Variants in SGCZ observed in about 807,000 individuals in gnomAD.
The protein encoded by SGCZ is zeta-sarcoglycan.
Under a neutral mutation model 41.3 loss-of-function variants are expected in SGCZ, and 40 were observed. That is an observed-to-expected ratio of 0.97 (90% CI 0.75 to 1.26). SGCZ has a LOEUF of 1.26. SGCZ is among the 50% of genes most tolerant of loss of function. The pLI is 0.00. For missense variants in SGCZ, 552 were observed against 369.8 expected, an observed-to-expected ratio of 1.49 and a Z score of -4.04; for synonymous variants, 206 against 137.5, an observed-to-expected ratio of 1.50 and a Z score of -3.49.
At chr8:15,119,317 G>C (rs531461099) in intron 1 of SGCZ, among the ~76,000 whole-genome samples, 4 of 152,120 alleles carry the variant, frequency 2.6e-5, no homozygotes, top group Admixed American at 1.3e-4. Flanking sequence ...GATCACTTGA[G>C]CTCAGCAATT....
intron 1 of SGCZ, among the ~76,000 whole-genome samples, chr8:15,119,991 GT>G: frequency 6.6e-6 from 1 of 150,878 alleles, no homozygotes; most frequent in Non-Finnish European, 1.5e-5. Flanking sequence ...TGTTGCTTTT[GT>G]TTTTTATTGT....
chr8:14,915,183 A>G (rs574979829), intron 1 of SGCZ, among the ~76,000 whole-genome samples: 2 of 152,340 alleles, frequency 1.3e-5, no homozygotes, highest in Admixed American at 6.5e-5. Flanking sequence ...GCATTTAGAT[A>G]AATAACAATT....
At chr8:14,186,154 G>A (rs563077580) in intron 4 of SGCZ, among the ~76,000 whole-genome samples, 26 of 152,278 alleles carry the variant, frequency 1.7e-4, no homozygotes, top group African/African-American at 4.8e-4. Flanking sequence ...TTTCTGTAAT[G>A]ACAATGTGAA....
At chr8:15,198,675 C>T (rs1800806277) in intron 1 of SGCZ, among the ~76,000 whole-genome samples, 1 of 152,162 alleles carries the variant, frequency 6.6e-6, no homozygotes, top group South Asian at 2.1e-4. Flanking sequence ...ACAATAACAA[C>T]AGCTACATTA....
intron 2 of SGCZ, among the ~76,000 whole-genome samples, chr8:14,461,932 T>C (rs989655796): frequency 6.6e-6 from 1 of 152,118 alleles, no homozygotes; most frequent in Non-Finnish European, 1.5e-5. Context: ...GATGTTGTTA[T>C]ATAATGCTTC....
chr8:14,393,969 T>C (rs1450224892), intron 2 of SGCZ, among the ~76,000 whole-genome samples: 2 of 152,142 alleles, frequency 1.3e-5, no homozygotes, highest in African/African-American at 4.8e-5. Context: ...CTCAGCTTTG[T>C]GCTTTGATAT....
intron 2 of SGCZ, among the ~76,000 whole-genome samples, chr8:14,438,937 T>A (rs1302159062): frequency 6.6e-6 from 1 of 152,094 alleles, no homozygotes. Context: ...TTTTCCTTTT[T>A]AAAACACCTT....
intron 2 of SGCZ, among the ~76,000 whole-genome samples, chr8:14,515,102 C>G (rs918915522): frequency 1.3e-5 from 2 of 151,928 alleles, no homozygotes; most frequent in African/African-American, 4.8e-5. Flanking sequence ...CTCATCCCTC[C>G]TTGCTTACAG....
chr8:14,319,330 T>C (rs1018053767), intron 3 of SGCZ: 2 of 151,980 alleles, frequency 1.3e-5, no homozygotes, highest in Non-Finnish European at 2.9e-5. Context: ...GACTTAATAG[T>C]GAAGTGTGTT....
At position 15,007,185 on chromosome 8, in the gene SGCZ, C is replaced by T. The variant is rs1056700073; in HGVS notation, c.39+230400G>A. On this transcript the variant is annotated intron_variant, in intron 1 of 7. Coordinates refer to ENST00000382080, the MANE Select transcript of SGCZ (RefSeq NM_139167.4). ...TAAAAGCTCCATTATATAGTTAATC[C>T]CAATATTAAAATGCTTTTAATGTAT... Among the ~76,000 whole-genome samples the T allele has an allele frequency of 2.0e-5, 3 of 152,008 alleles. 1 individual carries two copies. Among genetic ancestry groups the T allele is most frequent in the South Asian group, 4.2e-4 (2 of 4,812 alleles).
At chr8:15,230,147 C>G (rs972891654) in intron 1 of SGCZ, among the ~76,000 whole-genome samples, 2 of 147,438 alleles carry the variant, frequency 1.4e-5, no homozygotes, top group African/African-American at 5.0e-5. Context: ...TAATTTGACC[C>G]AAAACTAAAA....
At chr8:15,015,475 G>A (rs1465232856) in intron 1 of SGCZ, among the ~76,000 whole-genome samples, 1 of 151,906 alleles carries the variant, frequency 6.6e-6, no homozygotes, top group Non-Finnish European at 1.5e-5. Context: ...CAAGGCGGGT[G>A]GATCACGAGG....
At chr8:14,543,825 T>C (rs895999807) in intron 2 of SGCZ, among the ~76,000 whole-genome samples, 1 of 152,166 alleles carries the variant, frequency 6.6e-6, no homozygotes, top group African/African-American at 2.4e-5. Flanking sequence ...ATTTTCGGAC[T>C]GAGTTCAAAT....
intron 1 of SGCZ, among the ~76,000 whole-genome samples, chr8:14,770,303 A>C (rs2130390041): frequency 6.6e-6 from 1 of 151,736 alleles, no homozygotes; most frequent in African/African-American, 2.4e-5. Flanking sequence ...GCAAATTTTT[A>C]CCTTCAATTT....
intron 4 of SGCZ, among the ~76,000 whole-genome samples, chr8:14,209,369 C>T (rs1805722289): frequency 6.6e-6 from 1 of 151,750 alleles, no homozygotes; most frequent in African/African-American, 2.4e-5. Flanking sequence ...AAACTCTGTT[C>T]CTAAACTCAC....
At chr8:14,782,681 T>TTAATAAAAATCTGCTAATAATA (rs745738881) in intron 1 of SGCZ, among the ~76,000 whole-genome samples, 1 of 152,052 alleles carries the variant, frequency 6.6e-6, no homozygotes, top group Non-Finnish European at 1.5e-5. Context: ...GAGATGGTTA[T>TTAATAAAAATCTGCTAATAATA]AGAAAAAAAA....
At position 14,777,026 on chromosome 8, in the gene SGCZ, T is replaced by C. The variant is rs1310821122; in HGVS notation, c.40-222100A>G. ...TCAGAAAGCCAGATGTAGTCCAGCA[T>C]GTATTCTATCTGTGAGGAGGAATGT... On this transcript the variant is annotated intron_variant, in intron 1 of 7. Transcript: ENST00000382080. Among the ~76,000 whole-genome samples the C allele has an allele frequency of 2.0e-5, 3 of 152,352 alleles. No homozygotes were observed. In the South Asian group the frequency reaches 6.2e-4, roughly 32 times the overall value.
chr8:14,402,160 C>CT (rs1428451341), intron 2 of SGCZ, among the ~76,000 whole-genome samples: 1 of 151,946 alleles, frequency 6.6e-6, no homozygotes, highest in African/African-American at 2.4e-5. Flanking sequence ...GTAAATTTGA[C>CT]TGAGTTCATT....
intron 1 of SGCZ, among the ~76,000 whole-genome samples, chr8:14,739,140 A>G (rs1261205638): frequency 6.6e-6 from 1 of 152,072 alleles, no homozygotes; most frequent in East Asian, 1.9e-4. Context: ...GAGAGAGAGA[A>G]TAGTTCTTTA....
Sources: allele counts gnomAD v4.1 joint callset (sites outside exome capture counted in the v4.1 genomes callset), GRCh38; gene constraint gnomAD v4.1.1; transcripts MANE v1.5; gene names NCBI Gene and HGNC (gene_info 2026-07-23, HGNC 2026-07-21).